Variants in ZSWIM8 observed in about 807,000 individuals in gnomAD.
The protein encoded by ZSWIM8 is zinc finger SWIM domain-containing protein 8.
Under a neutral mutation model 173.7 loss-of-function variants are expected in ZSWIM8, and 27 were observed. The observed-to-expected ratio is 0.16, with a 90% CI of 0.11 to 0.21. The LOEUF (loss-of-function observed/expected upper bound fraction) is 0.21. ZSWIM8 is among the 10% of genes least tolerant of loss of function. ZSWIM8 has a pLI of 1.00. For missense variants in ZSWIM8, 1,627 were observed against 2,428.8 expected (o/e 0.67, Z 6.94); for synonymous variants, 958 against 962.0 (o/e 1.00, Z 0.08).
intron 13 of ZSWIM8, 55 bp downstream of exon 13, chr10:73,794,385 TAAG>T: frequency 1.3e-6 from 2 of 1,588,344 alleles, no homozygotes; most frequent in East Asian, 4.5e-5. Context: ...TAGCTTTCTC[TAAG>T]AAAGACCAAG....
rs920898745 is a variant in ZSWIM8 at position 73,792,915 on chromosome 10, G to T, written c.2313+63G>T. ...AGCCACAACTGGGAGGGGCTATCTA[G>T]CTCTAGTTGGGAGTGTCAGGACCAT... is the stretch of plus-strand genomic sequence containing the variant. On this transcript the variant is annotated intron_variant, in intron 10 of 25. Coordinates refer to ENST00000604729, the MANE Select transcript of ZSWIM8 (RefSeq NM_001367799.1). This position sits in a 1 kb window ranked among gnomAD's most constrained non-coding sequence, Gnocchi z 4.3. The T allele has an allele frequency of 1.3e-6, 2 of 1,494,040 alleles. No homozygotes were observed. Among genetic ancestry groups the T allele is most frequent in the Admixed American group, 2.2e-5 (1 of 45,070 alleles). The allele number at this position is 1,494,040 out of a possible 1,614,324, so 92.5% of individuals were successfully genotyped here. A position where few individuals can be genotyped will look rare whatever the true frequency, so the allele number is the denominator to read the frequency against.
Position 73,792,307 on chromosome 10 carries a change from G to A in ZSWIM8, c.1768G>A (p.Gly590Arg). ...PGGGKAKALGGAGSGSKGSAG... is the reference protein window; with the variant it reads ...PGGGKAKALGRAGSGSKGSAG... ...TGGGGGCAAAGCCAAGGCACTGGGT[G>A]GGGCTGGCAGTGGGAGCAAGGGCTC... Residue 590 changes from glycine to arginine, a missense_variant, in exon 10 of 26, where the codon GGG becomes AGG. Transcript: ENST00000604729. The surrounding 1 kb of genome is among the most constrained non-coding windows in gnomAD (Gnocchi z 4.3). The A allele has an allele frequency of 6.2e-7, 1 of 1,612,480 alleles. No individual in the cohort carries two copies. Among genetic ancestry groups the A allele is most frequent in the South Asian group, 1.1e-5 (1 of 90,970 alleles).
intron 1 of ZSWIM8, 50 bp from the exon 2 acceptor site, chr10:73,788,620 C>T: frequency 6.2e-7 from 1 of 1,601,010 alleles, no homozygotes; most frequent in Non-Finnish European, 8.5e-7. Context: ...GACCATGGCC[C>T]TTTTCATTTC....
rs773454544 is a variant in ZSWIM8 at position 73,800,122 on chromosome 10, C to T, written c.4777C>T (p.His1593Tyr). 6.2e-7 allele frequency: 1 copy of T among 1,613,882 alleles called. No homozygotes were observed. The highest frequency in any genetic ancestry group is 1.1e-5 in the South Asian group (1 of 91,080). ...TCCTTCCATGGCACCCATCACAGTA[C>T]ATCCCTACCACACAGAGCCAGGGCT... ...PVPSMAPITV[H>Y]PYHTEPGLPL... The change falls in exon 22 of 26, where the codon CAT (histidine) becomes TAT (tyrosine). Residue 1593 changes from histidine (H) to tyrosine (Y), a missense_variant. His to Tyr is a moderately conservative substitution (Grantham distance 83). Around this residue, in one of 18 missense-constraint regions of ZSWIM8, gnomAD observed 275 missense variants for 290.1 expected, o/e 0.95. Coordinates refer to ENST00000604729, the MANE Select transcript of ZSWIM8 (RefSeq NM_001367799.1). This position sits in a 1 kb window ranked among gnomAD's most constrained non-coding sequence, Gnocchi z 4.1.
chr10:73,795,789 C>T, intron 15 of ZSWIM8, 126 bp downstream of exon 15: 2 of 1,100,120 alleles, frequency 1.8e-6, no homozygotes, highest in Non-Finnish European at 2.5e-6. Context: ...GAAACCCCGT[C>T]TCTACCAAAA....
chr10:73,796,379 A>G, intron 15 of ZSWIM8: 1 of 424,868 alleles, frequency 2.4e-6, no homozygotes, highest in Non-Finnish European at 4.6e-6. Flanking sequence ...AGAAAAAAAG[A>G]AAAGTGCTCT....
rs746759967 is a variant in ZSWIM8, at chr10:73,789,920, C to G, written c.739-36C>G. The G allele has an allele frequency of 1.2e-6, 2 of 1,602,984 alleles. No homozygotes were observed. The highest frequency in any genetic ancestry group is 1.7e-6 in the Non-Finnish European group (2 of 1,173,958). On this transcript the variant is annotated intron_variant, in intron 5 of 25. Transcript: ENST00000604729. This position sits in a 1 kb window ranked among gnomAD's most constrained non-coding sequence, Gnocchi z 6.8. ...CCAGGCCTCCATGGGTTCACCTAGG[C>G]CGTGTTCTGCCTGCCTCCGTCTCTT...
chr10:73,795,514 C>T (rs2083600126), intron 14 of ZSWIM8, 25 bp from the exon 15 acceptor site: 2 of 1,612,800 alleles, frequency 1.2e-6, no homozygotes, highest in South Asian at 1.1e-5. Flanking sequence ...TACTCTCAAT[C>T]CCCATAAGGT....
At position 73,801,530 on chromosome 10, in the gene ZSWIM8, C is replaced by T. The variant is rs766612057; in HGVS notation, c.*11C>T. 5 of 1,613,282 alleles carry T rather than the reference C, an allele frequency of 3.1e-6. No individual in the cohort carries two copies. The East Asian group carries it at 8.9e-5, about 29-fold the overall frequency. On this transcript the variant is annotated 3_prime_UTR_variant, in exon 26 of 26. Coordinates refer to ENST00000604729, the MANE Select transcript of ZSWIM8 (RefSeq NM_001367799.1). The surrounding 1 kb of genome is among the most constrained non-coding windows in gnomAD (Gnocchi z 4.9). ...ACCTTCTCCCCCTGAGTCTTTCACC[C>T]TTAGGGTCCTATACAGGGACCCAGG...
At chr10:73,790,524 T>C (rs539136510) in intron 7 of ZSWIM8, among the ~76,000 whole-genome samples, 48 of 152,304 alleles carry the variant, frequency 3.2e-4, no homozygotes, top group South Asian at 1.7e-3. Context: ...TTTTGATAGA[T>C]CAGGAAATGG....
intron 13 of ZSWIM8, 38 bp from the exon 14 acceptor site, chr10:73,794,503 T>C (rs765381901): frequency 6.4e-7 from 1 of 1,567,008 alleles, no homozygotes; most frequent in Non-Finnish European, 8.7e-7. Flanking sequence ...CCATGCATGA[T>C]ACTTCTGTCT....
chr10:73,789,374 C>T lies in ZSWIM8; in HGVS notation c.465C>T (p.His155=), dbSNP rs2083336381. ...AVKDPLQIGF[H]LSATVVPPQM... ...GCCCCCATTTCTCCCCAGGGTTCCACCTGAGTGCTACAGTGGTGCCACCTC... is the reference window on the plus strand; with the variant it reads ...GCCCCCATTTCTCCCCAGGGTTCCATCTGAGTGCTACAGTGGTGCCACCTC... Residue 155 remains histidine (H), a synonymous_variant, in exon 4 of 26, where the codon CAC becomes CAT. Transcript: ENST00000604729. The surrounding 1 kb of genome is among the most constrained non-coding windows in gnomAD (Gnocchi z 6.8). The T allele has an allele frequency of 6.4e-7, 1 of 1,560,226 alleles. No homozygotes were observed. The highest frequency in any genetic ancestry group is 8.7e-7 in the Non-Finnish European group (1 of 1,151,466).
chr10:73,790,003 G>A lies in ZSWIM8; in HGVS notation c.786G>A (p.Gln262=). 4 of 1,613,418 alleles carry A rather than the reference G, an allele frequency of 2.5e-6. No individual in the cohort carries two copies. Among genetic ancestry groups the A allele is most frequent in the Non-Finnish European group, 2.5e-6 (3 of 1,179,670 alleles). The change falls in exon 6 of 26, where the codon CAG becomes CAA. Residue 262 remains glutamine (Q), a synonymous_variant. Coordinates refer to ENST00000604729, the MANE Select transcript of ZSWIM8 (RefSeq NM_001367799.1). ...QRLLDELLSS[Q]STAINTVCGA... Reference sequence around the variant, plus strand: ...TCCTGGACGAACTCCTGTCTTCCCAGTCAACAGCCATCAATACAGTGTGTG... The same window carrying A: ...TCCTGGACGAACTCCTGTCTTCCCAATCAACAGCCATCAATACAGTGTGTG...
chr10:73,793,760 C>T (rs749146727), intron 11 of ZSWIM8, 41 bp downstream of exon 11: 1 of 1,346,966 alleles, frequency 7.4e-7, no homozygotes, highest in Non-Finnish European at 1.0e-6. Flanking sequence ...CCCCCACTTA[C>T]CCCCAACCTG....
intron 10 of ZSWIM8, 63 bp from the exon 11 acceptor site, chr10:73,793,525 G>A: frequency 4.0e-6 from 6 of 1,517,904 alleles, no homozygotes; most frequent in Non-Finnish European, 4.4e-6. Context: ...GCATGAGTGA[G>A]CATGATGTCC....
At position 73,800,619 on chromosome 10, in the gene ZSWIM8, C is replaced by T; in HGVS notation, c.5003-21C>T. 6.2e-7 allele frequency: 1 copy of T among 1,610,286 alleles called. No individual in the cohort carries two copies. Among genetic ancestry groups the T allele is most frequent in the Non-Finnish European group, 8.5e-7 (1 of 1,177,960 alleles). On this transcript the variant is annotated intron_variant, in intron 23 of 25. Transcript: ENST00000604729. The surrounding 1 kb of genome is among the most constrained non-coding windows in gnomAD (Gnocchi z 4.1). Reference sequence around the variant, plus strand: ...GAAGAGGATACACCGTACCATGTGCCCACCCTTATCTATCTCCCAGGAATG... The same window carrying T: ...GAAGAGGATACACCGTACCATGTGCTCACCCTTATCTATCTCCCAGGAATG...
Position 73,800,802 on chromosome 10 carries a change from G to A in ZSWIM8, c.5122+43G>A. On this transcript the variant is annotated intron_variant, in intron 24 of 25. Coordinates refer to ENST00000604729, the MANE Select transcript of ZSWIM8 (RefSeq NM_001367799.1). This position sits in a 1 kb window ranked among gnomAD's most constrained non-coding sequence, Gnocchi z 4.1. ...TAGGACCATTGCCCCCCCCCCACCT[G>A]CTCTCCCCACCTTCCTTATCCCAGA... is the stretch of plus-strand genomic sequence containing the variant. 7.2e-7 allele frequency: 1 copy of A among 1,390,122 alleles called. No homozygotes were observed. The highest frequency in any genetic ancestry group is 9.9e-7 in the Non-Finnish European group (1 of 1,007,678). The allele number at this position is 1,390,122 out of a possible 1,614,324, so 86.1% of individuals were successfully genotyped here. A position where few individuals can be genotyped will look rare whatever the true frequency, so the allele number is the denominator to read the frequency against.
At position 73,789,452 on chromosome 10, in the gene ZSWIM8, C is replaced by T. The variant is rs1274830820; in HGVS notation, c.543C>T (p.Cys181=). ...AYNVAVMFDR[C]RVTSCSCTCG... ...ACGTGGCTGTGATGTTTGACCGCTG[C>T]CGGGTCACTTCCTGCAGCTGTACCT... is the stretch of plus-strand genomic sequence containing the variant. Residue 181 remains cysteine, a synonymous_variant, in exon 4 of 26, where the codon TGC becomes TGT. Coordinates refer to ENST00000604729, the MANE Select transcript of ZSWIM8 (RefSeq NM_001367799.1). The surrounding 1 kb of genome is among the most constrained non-coding windows in gnomAD (Gnocchi z 6.8). The T allele has an allele frequency of 1.9e-6, 3 of 1,608,564 alleles. No individual in the cohort carries two copies. Among genetic ancestry groups the T allele is most frequent in the Non-Finnish European group, 1.7e-6 (2 of 1,177,392 alleles).
chr10:73,794,518 G>T, intron 13 of ZSWIM8, 23 bp from the exon 14 acceptor site: 1 of 1,565,588 alleles, frequency 6.4e-7, no homozygotes, highest in South Asian at 1.2e-5. Context: ...CTGTCTGCCT[G>T]ACTTACCCCA....
Sources: gnomAD v4.1 joint callset for allele counts (sites outside exome capture counted in the v4.1 genomes callset) on GRCh38, gnomAD v4.1.1 for gene constraint, gnomAD v4.1.1 regional missense constraint, Gnocchi (gnomAD v3.1) non-coding constraint, MANE v1.5 for transcripts, NCBI Gene and HGNC (gene_info 2026-07-23, HGNC 2026-07-21) for gene names.